The following PEBP4 variants were observed in gnomAD, a reference collection of about 807,000 sequenced individuals.
PEBP4 encodes the protein phosphatidylethanolamine binding protein 4.
PEBP4 carries 22 observed loss-of-function variants against 23.9 expected under a neutral mutation model. The observed-to-expected ratio is 0.92, with a 90% CI of 0.66 to 1.31. The LOEUF (loss-of-function observed/expected upper bound fraction) is 1.31, where lower values mean the gene tolerates loss of function less well. Among genes scored for constraint, PEBP4 ranks in the 40% most tolerant of loss-of-function variants. The pLI is 0.00. For synonymous variants in PEBP4, 112 were observed against 99.3 expected, an observed-to-expected ratio of 1.13 and a Z score of -0.76; for missense variants, 324 against 281.7, an observed-to-expected ratio of 1.15 and a Z score of -1.07.
chr8:22,829,752 C>G (rs983630092), intron 3 of PEBP4, among the ~76,000 whole-genome samples: 1 of 152,158 alleles, frequency 6.6e-6, no homozygotes, highest in African/African-American at 2.4e-5. Context: ...TTTAAAGACA[C>G]CTTCCTTGGC....
chr8:22,926,810 A>G (rs1809345418), intron 2 of PEBP4, among the ~76,000 whole-genome samples: 1 of 152,252 alleles, frequency 6.6e-6, no homozygotes, highest in African/African-American at 2.4e-5. Context: ...GGTACAGAAG[A>G]GAGTAAGTAG....
chr8:22,720,410 G>A (rs917030574), intron 6 of PEBP4, among the ~76,000 whole-genome samples: 4 of 152,164 alleles, frequency 2.6e-5, no homozygotes, highest in Admixed American at 1.3e-4. Context: ...AGAATGAGAC[G>A]CCCAGATGGG....
chr8:22,831,322 A>C (rs1807080022), intron 3 of PEBP4, among the ~76,000 whole-genome samples: 1 of 152,206 alleles, frequency 6.6e-6, no homozygotes, highest in Admixed American at 6.5e-5. Context: ...TATTAATGTC[A>C]GTGTCTCCCA....
intron 4 of PEBP4, among the ~76,000 whole-genome samples, chr8:22,817,108 AGAT>A (rs1028131594): frequency 3.9e-5 from 6 of 152,348 alleles, no homozygotes; most frequent in Non-Finnish European, 5.9e-5. Context: ...AAAGACACAA[AGAT>A]GAGAGGCGGC....
At chr8:22,897,342 G>A (rs1808608216) in intron 3 of PEBP4, among the ~76,000 whole-genome samples, 1 of 152,128 alleles carries the variant, frequency 6.6e-6, no homozygotes, top group African/African-American at 2.4e-5. Context: ...ATGGAGGAGG[G>A]GAGGTAGAGG....
chr8:22,746,047 C>T (rs4872542), intron 4 of PEBP4, among the ~76,000 whole-genome samples: 131,046 of 152,220 alleles, frequency 0.86, 57,930 homozygotes, highest in East Asian at 1. Context: ...TGAACCAAAG[C>T]ATTGTCCCCT....
chr8:22,737,331 G>C (rs935717751), intron 4 of PEBP4, among the ~76,000 whole-genome samples: 1 of 148,912 alleles, frequency 6.7e-6, no homozygotes, highest in East Asian at 2.0e-4. Flanking sequence ...TAAAAAGAAT[G>C]AGCCATTCAG....
At chr8:22,715,673 C>G (rs1361008834) in intron 6 of PEBP4, among the ~76,000 whole-genome samples, 2 of 152,224 alleles carry the variant, frequency 1.3e-5, no homozygotes, top group East Asian at 3.8e-4. Flanking sequence ...ACTCGTGGTT[C>G]CTTTCCAGTC....
intron 4 of PEBP4, among the ~76,000 whole-genome samples, chr8:22,740,229 G>A (rs141163453): frequency 1.8e-3 from 267 of 152,356 alleles, no homozygotes; most frequent in Middle Eastern, 0.01. Flanking sequence ...AGCAAGAAAA[G>A]ATGCTGGCGA....
chr8:22,735,166 TA>T (rs1254311662), intron 4 of PEBP4, among the ~76,000 whole-genome samples: 2 of 152,176 alleles, frequency 1.3e-5, no homozygotes, highest in African/African-American at 4.8e-5. Context: ...GGTCATGGTA[TA>T]AGGAGCCTCT....
At chr8:22,914,913 T>A (rs1585341477) in intron 3 of PEBP4, among the ~76,000 whole-genome samples, 1 of 152,190 alleles carries the variant, frequency 6.6e-6, no homozygotes, top group Non-Finnish European at 1.5e-5. Context: ...GCCAGCGCCA[T>A]GCCCAATGAC....
chr8:22,798,924 G>C (rs145503634), intron 4 of PEBP4, among the ~76,000 whole-genome samples: 1 of 151,536 alleles, frequency 6.6e-6, no homozygotes. Flanking sequence ...TTTTAGTATA[G>C]ACAGGGTTTC....
intron 4 of PEBP4, among the ~76,000 whole-genome samples, chr8:22,766,277 G>A (rs1038419044): frequency 3.5e-4 from 54 of 152,358 alleles, no homozygotes; most frequent in African/African-American, 1.2e-3. Context: ...AAAGCCCACC[G>A]ACAGGTCACA....
At chr8:22,789,199 C>A (rs1483373758) in intron 4 of PEBP4, among the ~76,000 whole-genome samples, 1 of 152,042 alleles carries the variant, frequency 6.6e-6, no homozygotes, top group Non-Finnish European at 1.5e-5. Context: ...GACAGTTATA[C>A]ACTAAGTGTG....
intron 6 of PEBP4, among the ~76,000 whole-genome samples, chr8:22,721,942 G>A (rs577634386): frequency 5.3e-5 from 8 of 152,072 alleles, no homozygotes; most frequent in Non-Finnish European, 1.2e-4. Context: ...TTTTGCAATC[G>A]CCCCTGGGTT....
intron 3 of PEBP4, among the ~76,000 whole-genome samples, chr8:22,897,029 G>A (rs1319602280): frequency 6.8e-6 from 1 of 146,010 alleles, no homozygotes; most frequent in Non-Finnish European, 1.5e-5. Flanking sequence ...CTGTGTGTAT[G>A]TGTGTGTGTG....
intron 3 of PEBP4, among the ~76,000 whole-genome samples, chr8:22,888,577 G>A (rs1315130643): frequency 5.3e-5 from 8 of 152,218 alleles, no homozygotes; most frequent in Admixed American, 3.9e-4. Context: ...CCTGGGCTGG[G>A]CCACACCAGT....
chr8:22,822,444 TAAGAA>T (rs912300736), intron 3 of PEBP4, among the ~76,000 whole-genome samples: 4 of 151,746 alleles, frequency 2.6e-5, no homozygotes, highest in South Asian at 2.1e-4. Flanking sequence ...AAGAAAGTAA[TAAGAA>T]AATAAAAAGA....
At position 22,906,289 on chromosome 8, in the gene PEBP4, C is replaced by A. The variant is rs114319681; in HGVS notation, c.258+13895G>T. ...AGCCTTGGGAGAGTGTGCCTTCCCA[C>A]ATCCCTATTTCAATCCAGCCTTCAA... On this transcript the variant is annotated intron_variant, in intron 3 of 6. Coordinates refer to ENST00000256404, the MANE Select transcript of PEBP4 (RefSeq NM_144962.3). 8.2e-3 allele frequency among the ~76,000 whole-genome samples: 1,253 copies of A among 152,264 alleles called. 14 individuals carry two copies. Among genetic ancestry groups the A allele is most frequent in the African/African-American group, 0.029 (1,198 of 41,532 alleles).
Sources: allele counts gnomAD v4.1 joint callset (sites outside exome capture counted in the v4.1 genomes callset), GRCh38; gene constraint gnomAD v4.1.1; transcripts MANE v1.5; gene names NCBI Gene and HGNC (gene_info 2026-07-23, HGNC 2026-07-21).